CDH23: variants seen among roughly 807,000 people sequenced by gnomAD.
The protein encoded by CDH23 is cadherin related 23.
Under a neutral mutation model 317.1 loss-of-function variants are expected in CDH23, and 189 were observed. That is an observed-to-expected ratio of 0.60 (90% CI 0.53 to 0.67). The LOEUF is 0.67. Among genes scored for constraint, CDH23 ranks in the 30% least tolerant of loss-of-function variants. The pLI is 0.00. For missense variants in CDH23, 4,401 were observed against 4,592.4 expected (o/e 0.96, Z 1.20); for synonymous variants, 1,839 against 1,876.8 (o/e 0.98, Z 0.52).
chr10:71,743,750 C>T (rs1839792117), intron 38 of CDH23, among the ~76,000 whole-genome samples: 1 of 152,150 alleles, frequency 6.6e-6, no homozygotes, highest in Non-Finnish European at 1.5e-5. Flanking sequence ...CTTGGTCGTC[C>T]CTTCAATAGC....
chr10:71,530,912 C>G (rs1258332636), intron 6 of CDH23, among the ~76,000 whole-genome samples: 1 of 152,204 alleles, frequency 6.6e-6, no homozygotes, highest in Admixed American at 6.5e-5. Flanking sequence ...ATGTGACTGC[C>G]CTGGGTTACA....
chr10:71,803,148 A>G (rs1181712750), intron 54 of CDH23, 61 bp from the exon 55 acceptor site: 1 of 1,604,598 alleles, frequency 6.2e-7, no homozygotes, highest in Non-Finnish European at 8.5e-7. Flanking sequence ...CCAGGCCAGG[A>G]GTAGAGGGAA....
At chr10:71,717,861 G>C (rs1281810966) in intron 28 of CDH23, 1 of 152,256 alleles carries the variant, frequency 6.6e-6, no homozygotes, top group Non-Finnish European at 1.5e-5. Flanking sequence ...GAGAGGTGGG[G>C]TGGGGGAGAA....
At position 71,492,865 on chromosome 10, in the gene CDH23, G is replaced by A. The variant is rs188448209; in HGVS notation, c.146-17217G>A. On this transcript the variant is annotated intron_variant, in intron 3 of 69. Coordinates refer to ENST00000224721, the MANE Select transcript of CDH23 (RefSeq NM_022124.6). ...GCTCGTGGCCTCTTCCAGATTGTGG[G>A]ATTGATTCAGCGCTCCTCTTGTGTT... Among the ~76,000 whole-genome samples, 300 of 152,304 alleles carry A rather than the reference G, an allele frequency of 2.0e-3. 1 individual carries two copies. Among genetic ancestry groups the A allele is most frequent in the African/African-American group, 6.9e-3 (287 of 41,554 alleles).
intron 6 of CDH23, among the ~76,000 whole-genome samples, chr10:71,561,529 C>G (rs1176949803): frequency 6.6e-6 from 1 of 152,120 alleles, no homozygotes; most frequent in Non-Finnish European, 1.5e-5. Flanking sequence ...AGATCCTTTG[C>G]ACGGCAGAAC....
intron 3 of CDH23, among the ~76,000 whole-genome samples, chr10:71,480,595 A>C (rs546765664): frequency 6.6e-6 from 1 of 152,178 alleles, no homozygotes; most frequent in Admixed American, 6.5e-5. Context: ...AGGGCAGAGG[A>C]ACAAAGGTAT....
chr10:71,780,101 G>GAGTACC (rs1840913881), intron 41 of CDH23, among the ~76,000 whole-genome samples: 1 of 152,218 alleles, frequency 6.6e-6, no homozygotes, highest in Non-Finnish European at 1.5e-5. Context: ...CCCAGCCTGG[G>GAGTACC]AGTACCTGGG....
chr10:71,768,976 T>C (rs1840624493), intron 38 of CDH23, among the ~76,000 whole-genome samples: 2 of 152,198 alleles, frequency 1.3e-5, no homozygotes, highest in African/African-American at 4.8e-5. Context: ...TCTGGTGCCA[T>C]CTGACTACTC....
At chr10:71,428,781 G>A (rs1489649025) in intron 1 of CDH23, among the ~76,000 whole-genome samples, 1 of 151,992 alleles carries the variant, frequency 6.6e-6, no homozygotes, top group African/African-American at 2.4e-5. Flanking sequence ...GTAGAGACGG[G>A]TTTTTACCAT....
chr10:71,460,542 G>C (rs576511543), intron 3 of CDH23, among the ~76,000 whole-genome samples: 1 of 152,252 alleles, frequency 6.6e-6, no homozygotes, highest in Non-Finnish European at 1.5e-5. Flanking sequence ...CTGCTTTGCC[G>C]CATCGGCTGC....
intron 38 of CDH23, chr10:71,749,484 C>T (rs1198331677): frequency 6.6e-6 from 1 of 152,276 alleles, no homozygotes; most frequent in African/African-American, 2.4e-5. Flanking sequence ...CACCCTCTTC[C>T]TATGGCAGCT....
chr10:71,772,985 A>G (rs1267822733), intron 38 of CDH23, among the ~76,000 whole-genome samples: 1 of 152,208 alleles, frequency 6.6e-6, no homozygotes, highest in Admixed American at 6.5e-5. Flanking sequence ...GCCAGCTGTC[A>G]AAAGCCAGTG....
intron 6 of CDH23, among the ~76,000 whole-genome samples, chr10:71,542,848 G>A (rs767162139): frequency 6.6e-6 from 1 of 152,246 alleles, no homozygotes; most frequent in African/African-American, 2.4e-5. Context: ...CAGGCTGAGC[G>A]GGTTCTTCGA....
intron 9 of CDH23, among the ~76,000 whole-genome samples, chr10:71,599,725 G>A (rs773927763): frequency 6.6e-6 from 1 of 152,196 alleles, no homozygotes; most frequent in Non-Finnish European, 1.5e-5. Flanking sequence ...CTGTGGCCTG[G>A]ACAGGAGTCC....
chr10:71,490,730 T>C (rs1047376285), intron 3 of CDH23, among the ~76,000 whole-genome samples: 12 of 152,260 alleles, frequency 7.9e-5, no homozygotes, highest in African/African-American at 2.9e-4. Context: ...CATGGACTTA[T>C]GTGTTTGTTA....
intron 27 of CDH23, among the ~76,000 whole-genome samples, chr10:71,710,138 C>T (rs1330318778): frequency 1.3e-5 from 2 of 152,280 alleles, no homozygotes; most frequent in Middle Eastern, 3.4e-3. Context: ...GACGCAAAGC[C>T]AAACCATATC....
chr10:71,785,070 C>T lies in CDH23; in HGVS notation c.5682C>T (p.Asn1894=), dbSNP rs764177252. 4 of 1,613,964 alleles carry T rather than the reference C, an allele frequency of 2.5e-6. No individual in the cohort carries two copies. Among genetic ancestry groups the T allele is most frequent in the Non-Finnish European group, 3.4e-6 (4 of 1,179,902 alleles). Residue 1894 remains asparagine, a synonymous_variant, in exon 43 of 70, where the codon AAC becomes AAT. Transcript: ENST00000224721. ...TCACCTTCAACATCACTGCGGGCAACCGCGAGCGGGCCTTCTTCATCAATG... is the reference window on the plus strand; with the variant it reads ...TCACCTTCAACATCACTGCGGGCAATCGCGAGCGGGCCTTCTTCATCAATG... ...ARLTFNITAG[N]RERAFFINAT...
chr10:71,426,758 C>A (rs545305139), intron 1 of CDH23, among the ~76,000 whole-genome samples: 1 of 152,084 alleles, frequency 6.6e-6, no homozygotes, highest in Non-Finnish European at 1.5e-5. Flanking sequence ...ATCCAATAAG[C>A]CCATTTAAAG....
chr10:71,732,477 C>T (rs765378997), intron 32 of CDH23, 102 bp downstream of exon 32: 73 of 1,486,304 alleles, frequency 4.9e-5, no homozygotes, highest in Non-Finnish European at 6.6e-5. Flanking sequence ...ATAAAATGTC[C>T]TTGAGATGGC....
Sources: allele counts gnomAD v4.1 joint callset (sites outside exome capture counted in the v4.1 genomes callset), GRCh38; gene constraint gnomAD v4.1.1; transcripts MANE v1.5; gene names NCBI Gene and HGNC (gene_info 2026-07-23, HGNC 2026-07-21).